Variants in CYLC1 observed in about 807,000 individuals in gnomAD.
CYLC1 encodes the protein cylicin 1, also known as cylicin-1.
A neutral mutation model predicts 31.6 loss-of-function variants in CYLC1; 2 were observed. That is an observed-to-expected ratio of 0.06 (90% CI 0.03 to 0.20). The LOEUF is 0.20. CYLC1 is among the 10% of genes least tolerant of loss of function. The pLI, the probability that CYLC1 is intolerant of heterozygous loss-of-function variation, is 1.00. For synonymous variants in CYLC1, 185 were observed against 153.0 expected (o/e 1.21, Z -1.54); for missense variants, 595 against 424.1 (o/e 1.40, Z -3.54).
chrX:83,879,070 A>G lies in CYLC1; in HGVS notation c.1923+4439A>G, dbSNP rs1461932615. 4.5e-5 allele frequency among the ~76,000 whole-genome samples: 5 copies of G among 110,450 alleles called. No homozygotes were observed. In the Admixed American group the frequency reaches 4.9e-4, roughly 11 times the overall value. On this transcript the variant is annotated intron_variant, in intron 4 of 4. Transcript: ENST00000329312. ...TAGCAATATTCTCAAACGTAAGTGA[A>G]GAATTCTTTATATTCCAGATGCTAA... is the stretch of plus-strand genomic sequence containing the variant.
In CYLC1 at chrX:83,878,350, AATATATATAAATATATATAAATAT is replaced by A. The variant is rs2031843335; in HGVS notation, c.1923+3727_1923+3750del. Among the ~76,000 whole-genome samples the A allele has an allele frequency of 5.3e-3, 29 of 5,447 alleles. 2 individuals carry two copies. The highest frequency in any genetic ancestry group is 8.3e-3 in the African/African-American group (8 of 968). 4.7% of individuals were successfully genotyped at this position (5,447 alleles called of 115,157 possible). Reference sequence around the variant, plus strand: ...ATATAAATATATATATAAATATATAAATATATATAAATATATATAAATATATATATAAATATATATAAATATATA... The same window carrying A: ...ATATAAATATATATATAAATATATAAATATATAAATATATATAAATATATA... On this transcript the variant is annotated intron_variant, in intron 4 of 4. Transcript: ENST00000329312.
At chrX:83,866,263 T>G (rs1352044048) in intron 1 of CYLC1, among the ~76,000 whole-genome samples, 1 of 111,020 alleles carries the variant, frequency 9.0e-6, no homozygotes, top group Non-Finnish European at 1.9e-5. Flanking sequence ...AATGGGAAAA[T>G]AAAAGAAAAA....
At chrX:83,874,783 C>A in intron 4 of CYLC1, 152 bp downstream of exon 4, 1 of 578,383 alleles carries the variant, frequency 1.7e-6, no homozygotes, top group Non-Finnish European at 2.5e-6. Flanking sequence ...TAAAGAATAC[C>A]TCACAAGGAT....
intron 2 of CYLC1, among the ~76,000 whole-genome samples, chrX:83,870,811 G>C (rs958930798): frequency 9.0e-6 from 1 of 110,907 alleles, no homozygotes; most frequent in Non-Finnish European, 1.9e-5. Flanking sequence ...TTTTGACATA[G>C]TTTTCAGATA....
chrX:83,868,978 G>T (rs1215801424), intron 1 of CYLC1, among the ~76,000 whole-genome samples: 1 of 110,192 alleles, frequency 9.1e-6, no homozygotes, highest in Non-Finnish European at 1.9e-5. Flanking sequence ...GAAAATAATT[G>T]CTACATTTTG....
At chrX:83,884,368 C>T (rs1038183817) in intron 4 of CYLC1, among the ~76,000 whole-genome samples, 2 of 111,721 alleles carry the variant, frequency 1.8e-5, no homozygotes, top group African/African-American at 6.5e-5. Context: ...ATCTCTCCCA[C>T]TCTGTGGGTT....
chrX:83,885,473 A>G (rs1210311163), intron 4 of CYLC1, among the ~76,000 whole-genome samples: 1 of 109,634 alleles, frequency 9.1e-6, no homozygotes, highest in African/African-American at 3.3e-5. Flanking sequence ...CGACTATTAT[A>G]TATATATAAA....
intron 4 of CYLC1, among the ~76,000 whole-genome samples, chrX:83,877,678 G>A (rs1250832523): frequency 9.5e-6 from 1 of 105,433 alleles, no homozygotes; most frequent in Non-Finnish European, 1.9e-5. Flanking sequence ...TCTCTTTAGA[G>A]AAGCCTTCCC....
At chrX:83,875,125 C>A (rs1174539989) in intron 4 of CYLC1, among the ~76,000 whole-genome samples, 4 of 111,308 alleles carry the variant, frequency 3.6e-5, no homozygotes, top group Non-Finnish European at 7.6e-5. Context: ...TAATCCATAT[C>A]TCAAGTGGAT....
chrX:83,874,019 C>A lies in CYLC1; in HGVS notation c.1311C>A (p.Val437=), dbSNP rs144524564. Residue 437 remains valine, a synonymous_variant, in exon 4 of 5, where the codon GTC becomes GTA. Transcript: ENST00000329312. ...CAAAGACAGATAATAAAAAGTCTGT[C>A]AAGAATGATGAAGAGTCTACTGATG... is the stretch of plus-strand genomic sequence containing the variant. The part of the protein sequence containing the change: ...KDSKTDNKKS[V]KNDEESTDAD... 573 of 1,191,383 alleles carry A rather than the reference C, an allele frequency of 4.8e-4. No homozygotes were observed. Among genetic ancestry groups the A allele is most frequent in the Admixed American group, 1.9e-3 (81 of 43,302 alleles).
intron 2 of CYLC1, among the ~76,000 whole-genome samples, chrX:83,871,020 C>T (rs769387838): frequency 8.4e-4 from 92 of 109,690 alleles, no homozygotes; most frequent in South Asian, 6.5e-3. Context: ...TTGTCAACAC[C>T]GTGCTAGTTA....
At chrX:83,875,046 T>G (rs1044196042) in intron 4 of CYLC1, among the ~76,000 whole-genome samples, 1 of 111,389 alleles carries the variant, frequency 9.0e-6, no homozygotes, top group African/African-American at 3.3e-5. Context: ...AAAGCTAGAT[T>G]AACCAAAATT....
At chrX:83,885,928 A>G (rs1051852346) in intron 4 of CYLC1, among the ~76,000 whole-genome samples, 1 of 110,208 alleles carries the variant, frequency 9.1e-6, no homozygotes, top group Non-Finnish European at 1.9e-5. Context: ...ATTAGTATGC[A>G]TTCATTGAAA....
Position 83,874,489 on chromosome X carries a change from A to T in CYLC1, c.1781A>T (p.Lys594Ile). 1 of 1,209,432 alleles carries T rather than the reference A, an allele frequency of 8.3e-7. No individual in the cohort carries two copies. Among genetic ancestry groups the T allele is most frequent in the Non-Finnish European group, 1.1e-6 (1 of 894,420 alleles). Residue 594 changes from lysine to isoleucine, a missense_variant, in exon 4 of 5, where the codon AAA becomes ATA. Lys to Ile is a moderately radical substitution (Grantham distance 102, BLOSUM62 -3). Coordinates refer to ENST00000329312, the MANE Select transcript of CYLC1 (RefSeq NM_021118.3). ...KKTTFNEKGE[K>I]ASTGRVPPSR... ...ACTACATTCAATGAAAAAGGGGAAA[A>T]AGCAAGTACAGGTAGAGTTCCTCCA...
intron 4 of CYLC1, 99 bp from the exon 5 acceptor site, chrX:83,886,453 T>C: frequency 1.3e-6 from 1 of 774,117 alleles, no homozygotes; most frequent in Admixed American, 2.6e-5. Context: ...ACTATGACAG[T>C]CTGTGCTTTC....
chrX:83,864,186 C>T (rs983592471), intron 1 of CYLC1, among the ~76,000 whole-genome samples: 14 of 111,685 alleles, frequency 1.3e-4, no homozygotes, highest in African/African-American at 4.6e-4. Flanking sequence ...CTGCAAAGAT[C>T]CAATTCCAAA....
rs774514611 is a variant in CYLC1, at chrX:83,874,513, C to A, written c.1805C>A (p.Pro602Gln). The change falls in exon 4 of 5, where the codon CCA becomes CAA. Residue 602 changes from proline to glutamine, a missense_variant. Pro to Gln is a moderately conservative substitution (Grantham distance 76, BLOSUM62 -1). Transcript: ENST00000329312. ...AAAGCAAGTACAGGTAGAGTTCCTC[C>A]ATCAAGAGAAAAACCACCACTCCCT... The part of the protein sequence containing the change: ...GEKASTGRVP[P>Q]SREKPPLPAC... The A allele has an allele frequency of 8.3e-7, 1 of 1,209,769 alleles. No homozygotes were observed. The highest frequency in any genetic ancestry group is 1.1e-6 in the Non-Finnish European group (1 of 894,518).
intron 4 of CYLC1, among the ~76,000 whole-genome samples, chrX:83,878,482 T>TAAATATATATATAAATATAG: frequency 1.6e-5 from 1 of 63,665 alleles, no homozygotes; most frequent in African/African-American, 6.2e-5. Flanking sequence ...TATAAATATA[T>TAAATATATATATAAATATAG]ATAAATATAT....
intron 4 of CYLC1, among the ~76,000 whole-genome samples, chrX:83,877,379 G>T (rs1419121684): frequency 1.8e-5 from 2 of 111,163 alleles, no homozygotes; most frequent in Admixed American, 9.7e-5. Context: ...TTCCCAAAGT[G>T]CTGGGATTGT....
Sources: allele counts gnomAD v4.1 joint callset (sites outside exome capture counted in the v4.1 genomes callset), GRCh38; gene constraint gnomAD v4.1.1; transcripts MANE v1.5; gene names NCBI Gene and HGNC (gene_info 2026-07-23, HGNC 2026-07-21).